Variants in MTFR1 observed in about 807,000 individuals in gnomAD.
MTFR1 encodes mitochondrial fission regulator 1, also known as chondrocyte protein with a poly-proline region.
A neutral mutation model predicts 38.8 loss-of-function variants in MTFR1; 28 were observed. The ratio of observed to expected loss-of-function variants is 0.72; its 90% CI spans 0.53 to 0.99. MTFR1 has a LOEUF of 0.99. Ranked by LOEUF, MTFR1 falls within the 50% of genes least tolerant of loss-of-function variation. MTFR1 has a pLI of 0.00. For synonymous variants in MTFR1, 145 were observed against 137.0 expected (o/e 1.06, Z -0.41); for missense variants, 358 against 395.5 (o/e 0.91, Z 0.81).
At chr8:65,653,437 G>A (rs969582712) in intron 1 of MTFR1, among the ~76,000 whole-genome samples, 8 of 152,218 alleles carry the variant, frequency 5.3e-5, no homozygotes, top group Admixed American at 3.9e-4. Flanking sequence ...GCTTGACCCC[G>A]GGAGGTGGAG....
chr8:65,688,608 C>T (rs1805174231), intron 3 of MTFR1, among the ~76,000 whole-genome samples: 2 of 150,394 alleles, frequency 1.3e-5, no homozygotes, highest in Non-Finnish European at 3.0e-5. Flanking sequence ...GCCACCACGC[C>T]CAGCTAATTG....
In MTFR1 at chr8:65,719,697, A is replaced by G. The variant is rs1172774832; in HGVS notation, c.*48+216A>G. 7 of 563,628 alleles carry G rather than the reference A, an allele frequency of 1.2e-5. No individual in the cohort carries two copies. The East Asian group carries it at 2.0e-4, about 16-fold the overall frequency. The allele number at this position is 563,628 out of a possible 1,614,324, so 34.9% of individuals were successfully genotyped here. A position where few individuals can be genotyped will look rare whatever the true frequency, so the allele number is the denominator to read the frequency against. ...AAGAACTGATTTCTTAAGTAACTCA[A>G]TGGAAATTTGAGTAAAAGTGAACTG... On this transcript the variant is annotated intron_variant, in intron 3 of 3. Transcript: ENST00000521247.
intron 3 of MTFR1, among the ~76,000 whole-genome samples, chr8:65,684,693 G>A (rs1805018017): frequency 6.6e-6 from 1 of 151,708 alleles, no homozygotes; most frequent in South Asian, 2.1e-4. Flanking sequence ...CCCATACTGA[G>A]TCTTTTAAAA....
At chr8:65,696,586 AACT>A (rs1481538965) in intron 4 of MTFR1, among the ~76,000 whole-genome samples, 1 of 152,220 alleles carries the variant, frequency 6.6e-6, no homozygotes, top group Non-Finnish European at 1.5e-5. Context: ...AATGGCTAGC[AACT>A]ACTAATCTGT....
At chr8:65,725,791 G>A (rs1207576541) in intron 3 of MTFR1, among the ~76,000 whole-genome samples, 1 of 151,786 alleles carries the variant, frequency 6.6e-6, no homozygotes, top group East Asian at 1.9e-4. Flanking sequence ...AACTCAACAG[G>A]GTTAATCATC....
chr8:65,716,026 T>C (rs1279020840), intron 2 of MTFR1, among the ~76,000 whole-genome samples: 3 of 85,962 alleles, frequency 3.5e-5, no homozygotes, highest in East Asian at 1.3e-3. Flanking sequence ...AAAAAAAAAA[T>C]TAGCTGGGTG....
chr8:65,719,988 T>C (rs993075262), intron 3 of MTFR1, among the ~76,000 whole-genome samples: 1 of 152,228 alleles, frequency 6.6e-6, no homozygotes, highest in African/African-American at 2.4e-5. Flanking sequence ...ATGACTACAA[T>C]TGGTCATTTT....
At chr8:65,656,131 G>A (rs1388412184) in intron 1 of MTFR1, among the ~76,000 whole-genome samples, 1 of 149,470 alleles carries the variant, frequency 6.7e-6, no homozygotes, top group African/African-American at 2.5e-5. Context: ...AGGAGGCAGA[G>A]GTTGCAGTGA....
chr8:65,677,335 G>T (rs1804739580), intron 2 of MTFR1, among the ~76,000 whole-genome samples: 1 of 149,910 alleles, frequency 6.7e-6, no homozygotes, highest in African/African-American at 2.5e-5. Flanking sequence ...CTTCCAAAGT[G>T]CTGGGATTAC....
chr8:65,712,543 T>C (rs564564134), downstream of MTFR1, among the ~76,000 whole-genome samples: 14 of 152,320 alleles, frequency 9.2e-5, no homozygotes, highest in African/African-American at 2.9e-4. Flanking sequence ...CTAAAAAGAA[T>C]AGCCATAGTA....
At chr8:65,692,238 G>A (rs1049767996) in intron 3 of MTFR1, among the ~76,000 whole-genome samples, 6 of 151,792 alleles carry the variant, frequency 4.0e-5, no homozygotes, top group African/African-American at 1.5e-4. Flanking sequence ...ATTATTATTC[G>A]TTGACTTTTT....
At chr8:65,771,884 C>CAAAAA (rs36101490), downstream of MTFR1, among the ~76,000 whole-genome samples, 44 of 55,666 alleles carry the variant, frequency 7.9e-4, no homozygotes, top group Admixed American at 9.7e-4. Context: ...CTCCATCTCT[C>CAAAAA]AAAAAAAAAA....
intron 2 of MTFR1, among the ~76,000 whole-genome samples, chr8:65,716,444 A>C (rs905916510): frequency 1.3e-5 from 2 of 152,108 alleles, no homozygotes; most frequent in African/African-American, 4.8e-5. Context: ...TGATGTAGAG[A>C]AGCAACTACT....
chr8:65,741,997 A>C (rs1160186929), intron 3 of MTFR1, among the ~76,000 whole-genome samples: 2 of 152,346 alleles, frequency 1.3e-5, no homozygotes, highest in Middle Eastern at 3.4e-3. Flanking sequence ...TATGTAATTG[A>C]AAAGCTGCAT....
At chr8:65,653,785 C>T (rs1046741906) in intron 1 of MTFR1, among the ~76,000 whole-genome samples, 4 of 151,816 alleles carry the variant, frequency 2.6e-5, no homozygotes, top group African/African-American at 9.7e-5. Flanking sequence ...CAAAAGTAGG[C>T]TGGGTATGGT....
intron 3 of MTFR1, among the ~76,000 whole-genome samples, chr8:65,689,198 T>C (rs1805196763): frequency 6.6e-6 from 1 of 152,208 alleles, no homozygotes; most frequent in African/African-American, 2.4e-5. Context: ...TATAAACAAA[T>C]GGTAGTAAAC....
At chr8:65,753,421 G>C (rs1808062244) in intron 3 of MTFR1, among the ~76,000 whole-genome samples, 1 of 152,174 alleles carries the variant, frequency 6.6e-6, no homozygotes, top group Non-Finnish European at 1.5e-5. Flanking sequence ...ACTGGGCCCA[G>C]AGAGACTGCA....
downstream of MTFR1, among the ~76,000 whole-genome samples, chr8:65,713,178 C>T (rs1356007304): frequency 6.6e-6 from 1 of 152,322 alleles, no homozygotes; most frequent in South Asian, 2.1e-4. Flanking sequence ...CCGTGGCTCA[C>T]GCCTATAATC....
upstream of MTFR1, chr8:65,644,601 T>C (rs781447105): frequency 6.6e-6 from 1 of 152,270 alleles, no homozygotes; most frequent in African/African-American, 2.4e-5. Flanking sequence ...GCAGCCGGCT[T>C]GCGGAGCGGT....
Sources: allele counts gnomAD v4.1 joint callset (sites outside exome capture counted in the v4.1 genomes callset), GRCh38; gene constraint gnomAD v4.1.1; transcripts MANE v1.5; gene names NCBI Gene and HGNC (gene_info 2026-07-23, HGNC 2026-07-21).